The following WDR62 variants were observed in gnomAD, a reference collection of about 807,000 sequenced individuals.
WDR62 encodes the protein WD repeat-containing protein 62.
WDR62 carries 112 observed loss-of-function variants against 160.6 expected under a neutral mutation model. That is an observed-to-expected ratio of 0.70 (90% CI 0.60 to 0.82). The LOEUF is 0.82. WDR62 is among the 40% of genes least tolerant of loss of function. WDR62 has a pLI of 0.00. For synonymous variants in WDR62, 792 were observed against 815.1 expected, an observed-to-expected ratio of 0.97 and a Z score of 0.48; for missense variants, 1,819 against 1,983.8, an observed-to-expected ratio of 0.92 and a Z score of 1.58.
intron 7 of WDR62, among the ~76,000 whole-genome samples, chr19:36,071,309 T>C (rs1971284359): frequency 6.6e-6 from 1 of 152,234 alleles, no homozygotes. Flanking sequence ...GCTACGTTTC[T>C]CTGTAGACAG....
chr19:36,058,940 C>T (rs774809496), intron 2 of WDR62, 69 bp downstream of exon 2: 8 of 1,291,546 alleles, frequency 6.2e-6, no homozygotes, highest in Non-Finnish European at 8.9e-6. Context: ...TGAAGCCATC[C>T]GTAAATCGCT....
downstream of WDR62, among the ~76,000 whole-genome samples, chr19:36,108,257 C>T (rs1434858893): frequency 6.6e-6 from 1 of 152,136 alleles, no homozygotes; most frequent in Non-Finnish European, 1.5e-5. Flanking sequence ...ACCCCGCCTC[C>T]AGTCAACCTC....
intron 20 of WDR62, among the ~76,000 whole-genome samples, chr19:36,094,476 C>T (rs978891785): frequency 6.6e-6 from 1 of 151,818 alleles, no homozygotes; most frequent in African/African-American, 2.4e-5. Context: ...ATTGCTTGAA[C>T]CTGGGAGGCA....
intron 13 of WDR62, among the ~76,000 whole-genome samples, chr19:36,087,573 T>C (rs944331036): frequency 6.6e-5 from 10 of 150,906 alleles, no homozygotes; most frequent in African/African-American, 2.4e-4. Flanking sequence ...TCCCAGCACT[T>C]TGGGAGGCTG....
intron 10 of WDR62, 50 bp downstream of exon 10, chr19:36,081,620 T>C (rs565278670): frequency 6.2e-7 from 1 of 1,613,590 alleles, no homozygotes; most frequent in African/African-American, 1.3e-5. Flanking sequence ...AAAGACCTAC[T>C]GTAAGCTTGA....
chr19:36,078,110 T>G (rs1304061172), intron 9 of WDR62, among the ~76,000 whole-genome samples: 5 of 152,168 alleles, frequency 3.3e-5, no homozygotes, highest in Non-Finnish European at 7.3e-5. Context: ...TTATGGCTGT[T>G]GCGAATACCA....
At chr19:36,100,943 G>A in intron 23 of WDR62, 68 bp downstream of exon 23, 1 of 1,610,868 alleles carries the variant, frequency 6.2e-7, no homozygotes, top group Non-Finnish European at 8.5e-7. Context: ...CATCCTGGAA[G>A]AAGTGCTCTC....
At chr19:36,109,156 G>A (rs535448966), downstream of WDR62, among the ~76,000 whole-genome samples, 26 of 152,272 alleles carry the variant, frequency 1.7e-4, no homozygotes, top group East Asian at 5.0e-3. Flanking sequence ...AAGAAATGAA[G>A]AAATACTCCT....
downstream of WDR62, among the ~76,000 whole-genome samples, chr19:36,106,434 G>A (rs922998763): frequency 1.6e-4 from 25 of 151,952 alleles, no homozygotes; most frequent in African/African-American, 5.3e-4. Flanking sequence ...GGAACATCAG[G>A]CAACGCACCT....
rs756402822 is a variant in WDR62 at position 36,055,018 on chromosome 19, A to C, written c.47A>C (p.Glu16Ala). 1 of 1,608,338 alleles carries C rather than the reference A, an allele frequency of 6.2e-7. No individual in the cohort carries two copies. Among genetic ancestry groups the C allele is most frequent in the Non-Finnish European group, 8.5e-7 (1 of 1,178,568 alleles). The change falls in exon 1 of 32, where the codon GAG becomes GCG. Residue 16 changes from glutamate to alanine, a missense_variant. Coordinates refer to ENST00000401500, the MANE Select transcript of WDR62 (RefSeq NM_001083961.2). ...GGCTATGCGCGGAACGATGCAGGGG[A>C]GAAGCTGCCCTCTGTCATGGCGGGA... ...SGGYARNDAG[E>A]KLPSVMAGVP...
At chr19:36,110,632 G>C in the WDR62 span, among the ~76,000 whole-genome samples, 1 of 152,112 alleles carries the variant, frequency 6.6e-6, no homozygotes. Flanking sequence ...GTTAGCCCTG[G>C]GAATCTGAAG....
chr19:36,099,221 CAAAAAAAAA>C (rs71167592), intron 21 of WDR62, among the ~76,000 whole-genome samples, 169 bp from the exon 22 acceptor site: 1 of 76,318 alleles, frequency 1.3e-5, no homozygotes, highest in Admixed American at 1.6e-4. Context: ...GACTTCGTCT[CAAAAAAAAA>C]AAAAAAAAAA....
intron 10 of WDR62, among the ~76,000 whole-genome samples, chr19:36,082,264 T>G (rs1971942846): frequency 6.6e-6 from 1 of 152,204 alleles, no homozygotes; most frequent in Non-Finnish European, 1.5e-5. Context: ...AAGGAAAATG[T>G]GCAGGGTGCT....
chr19:36,086,950 G>A lies in WDR62; in HGVS notation c.1768+138G>A, dbSNP rs1972275275. The A allele has an allele frequency of 3.0e-6, 4 of 1,314,158 alleles. No homozygotes were observed. The Admixed American group carries it at 8.2e-5, about 27-fold the overall frequency. 81.4% of individuals were successfully genotyped at this position (1,314,158 alleles called of 1,614,324 possible). Reference sequence around the variant, plus strand: ...GTGTACAGTATACAGAATAATGACTGGGGCCGGGTGTAATGGCTCACACCT... The same window carrying A: ...GTGTACAGTATACAGAATAATGACTAGGGCCGGGTGTAATGGCTCACACCT... On this transcript the variant is annotated intron_variant, in intron 13 of 31. Transcript: ENST00000401500.
At chr19:36,075,779 CT>C (rs1971542672) in intron 9 of WDR62, among the ~76,000 whole-genome samples, 13 of 152,138 alleles carry the variant, frequency 8.5e-5, no homozygotes, top group Admixed American at 8.5e-4. Flanking sequence ...TTCCTGGACC[CT>C]TTTATTTATT....
In WDR62 at chr19:36,055,013, A is replaced by C; in HGVS notation, c.42A>C (p.Ala14=). Residue 14 remains alanine (A), a synonymous_variant, in exon 1 of 32, where the codon GCA becomes GCC. Transcript: ENST00000401500. ...CCGGAGGCTATGCGCGGAACGATGC[A>C]GGGGAGAAGCTGCCCTCTGTCATGG... ...VGSGGYARND[A]GEKLPSVMAG... is the part of the protein sequence containing the mutation. 1 of 1,608,282 alleles carries C rather than the reference A, an allele frequency of 6.2e-7. No individual in the cohort carries two copies. Among genetic ancestry groups the C allele is most frequent in the Non-Finnish European group, 8.5e-7 (1 of 1,178,520 alleles).
At position 36,104,842 on chromosome 19, in the gene WDR62, C is replaced by T. The variant is rs1973650028; in HGVS notation, c.4386C>T (p.Ile1462=). 2 of 1,613,330 alleles carry T rather than the reference C, an allele frequency of 1.2e-6. No individual in the cohort carries two copies. The highest frequency in any genetic ancestry group is 2.2e-5 in the East Asian group (1 of 44,878). ...AGCTGGTCTCCACCTTCCTGTGGAT[C>T]CACAGCCAGCTGGAGGCTGAATGCC... ...RTELVSTFLW[I]HSQLEAECLV... is the part of the protein sequence containing the mutation. The change falls in exon 32 of 32, where the codon ATC becomes ATT. Residue 1462 remains isoleucine, a synonymous_variant. Coordinates refer to ENST00000401500, the MANE Select transcript of WDR62 (RefSeq NM_001083961.2).
chr19:36,103,967 T>C lies in WDR62; in HGVS notation c.4139T>C (p.Leu1380Pro). The C allele has an allele frequency of 6.3e-7, 1 of 1,598,134 alleles. No individual in the cohort carries two copies. The highest frequency in any genetic ancestry group is 8.5e-7 in the Non-Finnish European group (1 of 1,179,852). Reference sequence around the variant, plus strand: ...ATCCCTGGCGGCACTGCCTCCCTCCTGGAGCCCACCTCCGGTGAGTACAGC... The same window carrying C: ...ATCCCTGGCGGCACTGCCTCCCTCCCGGAGCCCACCTCCGGTGAGTACAGC... ...PGIPGGTASLLEPTSGALGLL... is the reference protein window; with the variant it reads ...PGIPGGTASLPEPTSGALGLL... Residue 1380 changes from leucine (L) to proline (P), a missense_variant, in exon 30 of 32, where the codon CTG becomes CCG. Coordinates refer to ENST00000401500, the MANE Select transcript of WDR62 (RefSeq NM_001083961.2).
downstream of WDR62, among the ~76,000 whole-genome samples, chr19:36,106,501 G>A (rs916596791): frequency 2.0e-5 from 3 of 152,164 alleles, no homozygotes; most frequent in Admixed American, 6.6e-5. Context: ...TTAGAGCTCT[G>A]TATAATTCTA....
Sources: gnomAD v4.1 joint callset for allele counts (sites outside exome capture counted in the v4.1 genomes callset) on GRCh38, gnomAD v4.1.1 for gene constraint, MANE v1.5 for transcripts, NCBI Gene and HGNC (gene_info 2026-07-23, HGNC 2026-07-21) for gene names.